Variants in NR2C2 observed in about 807,000 individuals in gnomAD.
NR2C2 encodes the protein nuclear receptor subfamily 2 group C member 2, also known as Nuclear hormone receptor TR4.
In NR2C2, 6 loss-of-function variants were observed where a neutral mutation model predicts 62.9. The ratio of observed to expected loss-of-function variants is 0.10; its 90% CI spans 0.05 to 0.19. NR2C2 has a LOEUF of 0.19. Among genes scored for constraint, NR2C2 ranks in the 10% least tolerant of loss-of-function variants. The pLI, the probability that NR2C2 is intolerant of heterozygous loss-of-function variation, is 1.00. For missense variants in NR2C2, 479 were observed against 762.7 expected (o/e 0.63, Z 4.38); for synonymous variants, 272 against 273.8 (o/e 0.99, Z 0.07).
At chr3:14,970,620 C>T (rs2040008453) in intron 1 of NR2C2, among the ~76,000 whole-genome samples, 1 of 152,178 alleles carries the variant, frequency 6.6e-6, no homozygotes, top group South Asian at 2.1e-4. Flanking sequence ...AGTATAATGT[C>T]CTCAAGGTTA....
In NR2C2 at chr3:15,036,755, G is replaced by T. The variant is rs931708725; in HGVS notation, c.1373-1245G>T. Among the ~76,000 whole-genome samples, 3 of 152,222 alleles carry T rather than the reference G, an allele frequency of 2.0e-5. No homozygotes were observed. The East Asian group carries it at 5.8e-4, about 29-fold the overall frequency. On this transcript the variant is annotated intron_variant, in intron 11 of 13. Transcript: ENST00000425241. ...TTCCAGGTGTTTGATATCTAGGAAT[G>T]TGAGTGACATAGTCATACATTTGTT...
intron 9 of NR2C2, among the ~76,000 whole-genome samples, chr3:15,032,102 T>C (rs79018398): frequency 3.8e-4 from 58 of 152,318 alleles, no homozygotes; most frequent in African/African-American, 1.3e-3. Flanking sequence ...AATAACAGTT[T>C]AGCTGAGGCA....
At chr3:15,000,799 T>C (rs2124909686) in intron 1 of NR2C2, among the ~76,000 whole-genome samples, 1 of 151,280 alleles carries the variant, frequency 6.6e-6, no homozygotes, top group East Asian at 1.9e-4. Context: ...CACAAATGTC[T>C]TTCTATTTAT....
At chr3:15,034,890 A>G (rs2042066832) in intron 11 of NR2C2, 81 bp downstream of exon 11, 1 of 1,394,586 alleles carries the variant, frequency 7.2e-7, no homozygotes, top group African/African-American at 1.5e-5. Context: ...CCCTGGTTGG[A>G]GGCTCATGTC....
At chr3:14,995,272 G>A (rs1574976697) in intron 1 of NR2C2, among the ~76,000 whole-genome samples, 1 of 146,012 alleles carries the variant, frequency 6.8e-6, no homozygotes, top group Non-Finnish European at 1.5e-5. Flanking sequence ...TTACAATATT[G>A]TGCAGCCATC....
chr3:14,953,245 G>A lies in NR2C2; in HGVS notation c.-40+5339G>A, dbSNP rs137969405. Among the ~76,000 whole-genome samples the A allele has an allele frequency of 4.8e-3, 725 of 152,284 alleles. 2 individuals carry two copies. The highest frequency in any genetic ancestry group is 0.017 in the African/African-American group (692 of 41,548). ...ATAAGAGGCCTGAAGTCCTTTAATA[G>A]GAGGTGAAACTTTCTATTCCATAAT... is the stretch of plus-strand genomic sequence containing the variant. On this transcript the variant is annotated intron_variant, in intron 1 of 13. Coordinates refer to ENST00000425241, the MANE Select transcript of NR2C2 (RefSeq NM_001291694.2).
At chr3:14,964,802 G>A (rs62241832) in intron 1 of NR2C2, among the ~76,000 whole-genome samples, 10,913 of 152,070 alleles carry the variant, frequency 0.072, 435 homozygotes, top group Middle Eastern at 0.099. Flanking sequence ...GATTACAGGC[G>A]TGAGCCACCG....
intron 1 of NR2C2, among the ~76,000 whole-genome samples, chr3:14,997,983 A>G (rs998630431): frequency 6.6e-6 from 1 of 152,100 alleles, no homozygotes; most frequent in Non-Finnish European, 1.5e-5. Context: ...GCAACCACTA[A>G]TCTACTTTCT....
chr3:14,976,882 T>G (rs1283954699), intron 1 of NR2C2, among the ~76,000 whole-genome samples: 2 of 152,118 alleles, frequency 1.3e-5, no homozygotes, highest in Non-Finnish European at 2.9e-5. Context: ...GTGACCTCTC[T>G]TCCTCTCCCT....
chr3:14,955,750 T>C (rs1310694296), intron 1 of NR2C2, among the ~76,000 whole-genome samples: 4 of 152,212 alleles, frequency 2.6e-5, no homozygotes, highest in Non-Finnish European at 5.9e-5. Context: ...CCCTGGCTCT[T>C]ACTGATAGAT....
intron 1 of NR2C2, among the ~76,000 whole-genome samples, chr3:14,954,449 A>G (rs946979813): frequency 2.6e-4 from 39 of 152,362 alleles, no homozygotes; most frequent in Non-Finnish European, 4.7e-4. Flanking sequence ...TAGGAGCACT[A>G]ATCATAAGGA....
intron 2 of NR2C2, chr3:15,004,421 G>A (rs2041108940): frequency 2.7e-6 from 2 of 752,894 alleles, no homozygotes; most frequent in Non-Finnish European, 4.0e-6. Flanking sequence ...AAGAATCAAA[G>A]GGATATTGCT....
chr3:15,005,658 G>A (rs1012831292), intron 2 of NR2C2, among the ~76,000 whole-genome samples: 1 of 151,388 alleles, frequency 6.6e-6, no homozygotes, highest in Non-Finnish European at 1.5e-5. Flanking sequence ...AGCCTCCCAA[G>A]TAGTTGGGAC....
chr3:15,029,792 A>AATAGATAGATAGATAG (rs144596298), intron 8 of NR2C2, among the ~76,000 whole-genome samples: 34 of 139,304 alleles, frequency 2.4e-4, no homozygotes, highest in East Asian at 8.4e-4. Context: ...GTAAATAAAT[A>AATAGATAGATAGATAG]ATAGATAGAT....
chr3:14,983,864 T>C (rs2040442908), intron 1 of NR2C2, among the ~76,000 whole-genome samples: 1 of 152,046 alleles, frequency 6.6e-6, no homozygotes, highest in Non-Finnish European at 1.5e-5. Context: ...TTTTAGAACA[T>C]CCTTGTTTTG....
At chr3:15,007,128 CTTT>C (rs1189765777) in intron 2 of NR2C2, among the ~76,000 whole-genome samples, 10 of 134,676 alleles carry the variant, frequency 7.4e-5, no homozygotes, top group Admixed American at 7.6e-5. Flanking sequence ...CCTGACCTCT[CTTT>C]TTTTTTTTTT....
At chr3:14,966,937 T>C (rs577793132) in intron 1 of NR2C2, among the ~76,000 whole-genome samples, 3 of 152,344 alleles carry the variant, frequency 2.0e-5, no homozygotes, top group South Asian at 4.1e-4. Flanking sequence ...AAAGAATTGA[T>C]ATTAACTTTT....
intron 1 of NR2C2, 35 bp from the exon 2 acceptor site, chr3:15,003,841 A>G: frequency 7.0e-7 from 1 of 1,420,964 alleles, no homozygotes; most frequent in Non-Finnish European, 9.9e-7. Context: ...ATCATTCTGA[A>G]CCCCCTTGTG....
chr3:15,037,736 C>T (rs1266192247), intron 11 of NR2C2, among the ~76,000 whole-genome samples: 3 of 152,208 alleles, frequency 2.0e-5, no homozygotes, highest in African/African-American at 4.8e-5. Context: ...TGTACACCTA[C>T]AGGCCAGCTG....
Sources: allele counts gnomAD v4.1 joint callset (sites outside exome capture counted in the v4.1 genomes callset), GRCh38; gene constraint gnomAD v4.1.1; transcripts MANE v1.5; gene names NCBI Gene and HGNC (gene_info 2026-07-23, HGNC 2026-07-21).